Variants in BRF1 observed in about 807,000 individuals in gnomAD.
BRF1 encodes the protein BRF1 general transcription factor IIIB subunit.
A neutral mutation model predicts 81.7 loss-of-function variants in BRF1; 59 were observed. The ratio of observed to expected loss-of-function variants is 0.72; its 90% CI spans 0.59 to 0.90. The LOEUF (loss-of-function observed/expected upper bound fraction) is 0.90, where lower values mean the gene tolerates loss of function less well. Ranked by LOEUF, BRF1 falls within the 40% of genes least tolerant of loss-of-function variation. The pLI is 0.00. For synonymous variants in BRF1, 491 were observed against 395.6 expected, an observed-to-expected ratio of 1.24 and a Z score of -2.86; for missense variants, 1,050 against 936.3, an observed-to-expected ratio of 1.12 and a Z score of -1.58.
upstream of BRF1, among the ~76,000 whole-genome samples, chr14:105,305,639 G>A (rs149593780): frequency 2.4e-4 from 36 of 152,326 alleles, no homozygotes; most frequent in East Asian, 7.7e-4. Context: ...CGCTCCCCAC[G>A]TGATGTGAAG....
At chr14:105,219,441 G>A (rs1891894477) in intron 12 of BRF1, 14 of 1,103,872 alleles carry the variant, frequency 1.3e-5, no homozygotes, top group South Asian at 4.9e-5. Context: ...GGCCAACCAC[G>A]CAGGCCACAT....
At chr14:105,298,323 T>C (rs76083978) in intron 1 of BRF1, among the ~76,000 whole-genome samples, 13 of 152,250 alleles carry the variant, frequency 8.5e-5, no homozygotes, top group African/African-American at 3.1e-4. Flanking sequence ...ATATCTGATT[T>C]CAGGACAATA....
chr14:105,242,208 G>GA (rs757390746), intron 5 of BRF1: 3 of 152,222 alleles, frequency 2.0e-5, no homozygotes, highest in Non-Finnish European at 4.4e-5. Flanking sequence ...CATTTACCCT[G>GA]ATGTGACTGT....
chr14:105,245,992 G>A (rs1007412215), intron 5 of BRF1, among the ~76,000 whole-genome samples: 1 of 152,176 alleles, frequency 6.6e-6, no homozygotes, highest in East Asian at 1.9e-4. Flanking sequence ...CCTATAGAAT[G>A]GAAGAGACTA....
rs1159057807 is a variant in BRF1, at chr14:105,229,058, T to A, written c.695-145A>T. 1.1e-5 allele frequency: 8 copies of A among 739,670 alleles called. No homozygotes were observed. In the East Asian group the frequency reaches 1.5e-4, roughly 14 times the overall value. 45.8% of individuals were successfully genotyped at this position (739,670 alleles called of 1,614,324 possible). A position where few individuals can be genotyped will look rare whatever the true frequency, so the allele number is the denominator to read the frequency against. On this transcript the variant is annotated intron_variant, in intron 6 of 17. Coordinates refer to ENST00000547530, the MANE Select transcript of BRF1 (RefSeq NM_001519.4). ...TGTGCCAGGCAGTGAGACCCTCACTTGGCATGGCTACTCCTGAACGACATG... is the reference window on the plus strand; with the variant it reads ...TGTGCCAGGCAGTGAGACCCTCACTAGGCATGGCTACTCCTGAACGACATG...
intron 2 of BRF1, among the ~76,000 whole-genome samples, chr14:105,282,657 G>A (rs995570075): frequency 1.2e-4 from 18 of 152,248 alleles, no homozygotes; most frequent in Non-Finnish European, 2.4e-4. Context: ...ATACAGCCAG[G>A]TGTAGTGGCT....
At chr14:105,286,263 C>A (rs755518616) in intron 2 of BRF1, 33 bp downstream of exon 2, 1 of 1,595,688 alleles carries the variant, frequency 6.3e-7, no homozygotes, top group Non-Finnish European at 8.5e-7. Context: ...TGGGACCCGC[C>A]GCACGCTCAG....
chr14:105,220,815 G>A (rs1311333872), intron 11 of BRF1, among the ~76,000 whole-genome samples: 1 of 152,198 alleles, frequency 6.6e-6, no homozygotes, highest in Non-Finnish European at 1.5e-5. Context: ...CCAGGGCCGA[G>A]GCCAGAGACG....
At chr14:105,272,943 T>C in intron 2 of BRF1, 49 bp from the exon 3 acceptor site, 4 of 1,521,716 alleles carry the variant, frequency 2.6e-6, no homozygotes, top group African/African-American at 1.4e-5. Context: ...CCACAGAACA[T>C]GAAAAGTATC....
rs1185672507 is a variant in BRF1 at position 105,248,568 on chromosome 14, C to T, written c.544+3939G>A. Reference sequence around the variant, plus strand: ...GCACCGGCGCCGCGGCGGGTACGGGCTCGGGCGGGCGGGCGGGCGGGACGG... The same window carrying T: ...GCACCGGCGCCGCGGCGGGTACGGGTTCGGGCGGGCGGGCGGGCGGGACGG... On this transcript the variant is annotated intron_variant, in intron 5 of 17. Coordinates refer to ENST00000547530, the MANE Select transcript of BRF1 (RefSeq NM_001519.4). 206 of 203,412 alleles carry T rather than the reference C, an allele frequency of 1.0e-3. No homozygotes were observed. The East Asian group carries it at 0.013, about 13-fold the overall frequency. 12.6% of individuals were successfully genotyped at this position (203,412 alleles called of 1,614,324 possible). A position where few individuals can be genotyped will look rare whatever the true frequency, so the allele number is the denominator to read the frequency against.
intron 5 of BRF1, chr14:105,247,836 G>A (rs1566831278): frequency 2.0e-6 from 2 of 985,514 alleles, no homozygotes; most frequent in Non-Finnish European, 2.4e-6. Context: ...CAGGTGACAC[G>A]GCCTCTGAAG....
At chr14:105,275,610 A>G (rs1025055577) in intron 2 of BRF1, among the ~76,000 whole-genome samples, 6 of 152,166 alleles carry the variant, frequency 3.9e-5, no homozygotes, top group African/African-American at 1.4e-4. Flanking sequence ...AAAATTCTGT[A>G]ATAAAAGGTA....
At chr14:105,307,259 T>C (rs2058217342) in intron 1 of BRF1, among the ~76,000 whole-genome samples, 2 of 152,168 alleles carry the variant, frequency 1.3e-5, no homozygotes, top group South Asian at 4.1e-4. Flanking sequence ...ACCTGCCTCC[T>C]TTCATCAGGC....
chr14:105,280,335 C>T (rs2057017024), intron 2 of BRF1, among the ~76,000 whole-genome samples: 1 of 152,148 alleles, frequency 6.6e-6, no homozygotes, highest in Admixed American at 6.5e-5. Context: ...CATGACCAAG[C>T]GCCGGTGAAA....
chr14:105,253,642 C>CT, intron 4 of BRF1, among the ~76,000 whole-genome samples: 1 of 152,238 alleles, frequency 6.6e-6, no homozygotes, highest in East Asian at 1.9e-4. Context: ...AGAGGCAGCG[C>CT]TTGTGGGGGA....
At chr14:105,305,910 C>T (rs148307625), upstream of BRF1, among the ~76,000 whole-genome samples, 71 of 152,354 alleles carry the variant, frequency 4.7e-4, 1 homozygote, top group African/African-American at 1.6e-3. Context: ...ACTCGCACCG[C>T]GCCAAAGAGG....
chr14:105,279,533 A>G (rs1325133965), intron 2 of BRF1, among the ~76,000 whole-genome samples: 1 of 152,080 alleles, frequency 6.6e-6, no homozygotes, highest in Non-Finnish European at 1.5e-5. Context: ...AAAGACTACA[A>G]CTGGAAAGGC....
chr14:105,245,500 A>G (rs1300449640), intron 5 of BRF1, among the ~76,000 whole-genome samples: 1 of 152,234 alleles, frequency 6.6e-6, no homozygotes. Context: ...TACCACTGTC[A>G]AGAAAAGAAT....
chr14:105,270,501 T>C (rs1228302521), intron 3 of BRF1, among the ~76,000 whole-genome samples: 1 of 151,566 alleles, frequency 6.6e-6, no homozygotes, highest in Non-Finnish European at 1.5e-5. Flanking sequence ...AAAAGGACAT[T>C]TTCAGGGTTG....
Sources: allele counts gnomAD v4.1 joint callset (sites outside exome capture counted in the v4.1 genomes callset), GRCh38; gene constraint gnomAD v4.1.1; transcripts MANE v1.5; gene names NCBI Gene and HGNC (gene_info 2026-07-23, HGNC 2026-07-21).